FMO2: variants seen among roughly 807,000 people sequenced by gnomAD.
FMO2 encodes the protein flavin containing dimethylaniline monoxygenase 2, also known as flavin-containing monooxygenase 2.
Under a neutral mutation model 41.6 loss-of-function variants are expected in FMO2, and 33 were observed. The ratio of observed to expected loss-of-function variants is 0.79; its 90% CI spans 0.60 to 1.06. The LOEUF is 1.06. Ranked by LOEUF, FMO2 falls within the 50% of genes least tolerant of loss-of-function variation. The pLI, the probability that FMO2 is intolerant of heterozygous loss-of-function variation, is 0.00. For synonymous variants in FMO2, 214 were observed against 219.6 expected (o/e 0.97, Z 0.23); for missense variants, 619 against 632.9 (o/e 0.98, Z 0.23).
At chr1:171,185,663 C>G in intron 1 of FMO2, 45 bp from the exon 2 acceptor site, 2 of 1,602,920 alleles carry the variant, frequency 1.2e-6, no homozygotes, top group Non-Finnish European at 1.7e-6. Context: ...ATTCTCTTAC[C>G]GGTTGTCCCA....
chr1:171,205,655 G>A (rs375072535), intron 7 of FMO2, 21 bp downstream of exon 7: 1 of 1,460,562 alleles, frequency 6.8e-7, no homozygotes, highest in East Asian at 2.3e-5. Context: ...AGGCAGGTGA[G>A]TGGCTAAGCG....
At chr1:171,206,487 A>G (rs1274016371) in intron 7 of FMO2, among the ~76,000 whole-genome samples, 1 of 152,190 alleles carries the variant, frequency 6.6e-6, no homozygotes, top group Non-Finnish European at 1.5e-5. Context: ...CTTGGAGAAG[A>G]AGGAGACAGG....
At chr1:171,195,193 C>G (rs1352562863) in intron 3 of FMO2, among the ~76,000 whole-genome samples, 1 of 152,156 alleles carries the variant, frequency 6.6e-6, no homozygotes, top group Non-Finnish European at 1.5e-5. Context: ...GTTTATTGGT[C>G]TCTGAGTTGG....
chr1:171,185,590 T>A, intron 1 of FMO2, 118 bp from the exon 2 acceptor site: 1 of 966,620 alleles, frequency 1.0e-6, no homozygotes, highest in Non-Finnish European at 1.6e-6. Context: ...TATTCAATAG[T>A]GCTGCTTATT....
Position 171,201,041 on chromosome 1 carries a change from G to C in FMO2, c.627+1553G>C, listed in dbSNP as rs530955873. Reference sequence around the variant, plus strand: ...ATGGCAAGAACCAGTTCCTTGTATGGGTCTTGCCCTACAGGAAGACTTATG... The same window carrying C: ...ATGGCAAGAACCAGTTCCTTGTATGCGTCTTGCCCTACAGGAAGACTTATG... On this transcript the variant is annotated intron_variant, in intron 5 of 8. Transcript: ENST00000209929. Among the ~76,000 whole-genome samples the C allele has an allele frequency of 7.9e-5, 12 of 152,230 alleles. No homozygotes were observed. In the East Asian group the frequency reaches 2.3e-3, roughly 29 times the overall value.
intron 7 of FMO2, 114 bp downstream of exon 7, chr1:171,205,748 T>C: frequency 1.6e-6 from 1 of 636,726 alleles, no homozygotes; most frequent in Non-Finnish European, 2.6e-6. Flanking sequence ...TTGACAACCT[T>C]GGCTGCTCTC....
chr1:171,199,126 C>A, intron 4 of FMO2: 1 of 382,072 alleles, frequency 2.6e-6, no homozygotes, highest in South Asian at 7.3e-5. Context: ...TGGTCTCAAA[C>A]TCCTGGGCTC....
intron 7 of FMO2, 156 bp from the exon 8 acceptor site, chr1:171,207,562 G>T (rs1043178913): frequency 1.4e-5 from 9 of 627,060 alleles, no homozygotes; most frequent in Non-Finnish European, 2.3e-5. Flanking sequence ...CACATAGAGT[G>T]CTATGGGGGT....
At chr1:171,200,050 G>C (rs1479073323) in intron 5 of FMO2, among the ~76,000 whole-genome samples, 1 of 152,142 alleles carries the variant, frequency 6.6e-6, no homozygotes, top group Non-Finnish European at 1.5e-5. Context: ...TGTTTAATGA[G>C]AGGTTAATCT....
chr1:171,208,871 C>T lies in FMO2; in HGVS notation c.1334C>T (p.Ala445Val), dbSNP rs761180771. 9.9e-6 allele frequency: 16 copies of T among 1,613,768 alleles called. No homozygotes were observed. The highest frequency in any genetic ancestry group is 3.3e-5 in the Admixed American group (2 of 59,986). The stretch of plus-strand genomic sequence containing the variant: ...GACGAGCTCGCCTTAGAGATAGGTG[C>T]GAAGCCAGATTTCTGCTCTCTCTTG... ...YLDELALEIG[A>V]KPDFCSLLFK... The change falls in exon 9 of 9, where the codon GCG (alanine) becomes GTG (valine). Residue 445 changes from alanine (A) to valine (V), a missense_variant. By Grantham distance (64) the Ala-to-Val change is moderately conservative (BLOSUM62 0). Transcript: ENST00000209929.
At position 171,209,620 on chromosome 1, in the gene FMO2, G is replaced by A. The variant is rs1046282871; in HGVS notation, c.*475G>A. On this transcript the variant is annotated 3_prime_UTR_variant, in exon 9 of 9. Coordinates refer to ENST00000209929, the MANE Select transcript of FMO2 (RefSeq NM_001460.5). ...TAGGTCATGTTTCATTTGCTCAGTCGGGGATCACTCAAAACTACTAGACAA... is the reference window on the plus strand; with the variant it reads ...TAGGTCATGTTTCATTTGCTCAGTCAGGGATCACTCAAAACTACTAGACAA... 3 of 152,252 alleles carry A rather than the reference G, an allele frequency of 2.0e-5. No homozygotes were observed. Among genetic ancestry groups the A allele is most frequent in the African/African-American group, 4.8e-5 (2 of 41,420 alleles). The allele number at this position is 152,252 out of a possible 1,614,324, so 9.4% of individuals were successfully genotyped here.
chr1:171,203,892 T>G lies in FMO2; in HGVS notation c.655T>G (p.Trp219Gly), dbSNP rs749955244. 1 of 1,613,570 alleles carries G rather than the reference T, an allele frequency of 6.2e-7. No homozygotes were observed. The highest frequency in any genetic ancestry group is 8.5e-7 in the Non-Finnish European group (1 of 1,179,642). The part of the protein sequence containing the change: ...QVFISTRHGT[W>G]VMSRISEDGY... ...TTTTATCAGCACCAGGCATGGCACC[T>G]GGGTCATGAGCCGTATCTCTGAAGA... The change falls in exon 6 of 9, where the codon TGG becomes GGG. Residue 219 changes from tryptophan to glycine, a missense_variant. Physicochemically the swap from Trp to Gly is radical, Grantham distance 184. Coordinates refer to ENST00000209929, the MANE Select transcript of FMO2 (RefSeq NM_001460.5).
At chr1:171,204,141 T>G in intron 6 of FMO2, 77 bp downstream of exon 6, 1 of 1,014,362 alleles carries the variant, frequency 9.9e-7, no homozygotes. Context: ...TTAACAAAGA[T>G]TCAAATTGCT....
intron 5 of FMO2, among the ~76,000 whole-genome samples, chr1:171,200,738 TAAAC>T (rs1658504018): frequency 6.6e-6 from 1 of 152,140 alleles, no homozygotes. Flanking sequence ...TTTGTGAAAA[TAAAC>T]CTCTTGTCAC....
intron 2 of FMO2, among the ~76,000 whole-genome samples, chr1:171,187,008 T>C (rs1657880406): frequency 6.6e-6 from 1 of 152,212 alleles, no homozygotes; most frequent in African/African-American, 2.4e-5. Flanking sequence ...TCAATAAATG[T>C]TAGCTACTAA....
At chr1:171,200,590 A>G (rs903427080) in intron 5 of FMO2, among the ~76,000 whole-genome samples, 3 of 151,804 alleles carry the variant, frequency 2.0e-5, no homozygotes, top group African/African-American at 7.3e-5. Flanking sequence ...CAAACATGAC[A>G]CCCGCCCAGC....
chr1:171,195,910 G>A (rs1290546557), intron 3 of FMO2, among the ~76,000 whole-genome samples: 1 of 152,012 alleles, frequency 6.6e-6, no homozygotes, highest in Non-Finnish European at 1.5e-5. Flanking sequence ...TCATTCAGTG[G>A]AATGCTGACC....
chr1:171,189,823 G>A (rs1476207471), intron 2 of FMO2, among the ~76,000 whole-genome samples: 1 of 151,894 alleles, frequency 6.6e-6, no homozygotes, highest in Non-Finnish European at 1.5e-5. Flanking sequence ...TAATGCAACT[G>A]GTCCACTGAC....
rs1224741873 is a variant in FMO2, at chr1:171,209,551, AT to A, written c.*407del. 6.5e-6 allele frequency: 1 copy of A among 154,088 alleles called. No homozygotes were observed. Among genetic ancestry groups the A allele is most frequent in the Non-Finnish European group, 1.4e-5 (1 of 69,422 alleles). 9.5% of individuals were successfully genotyped at this position (154,088 alleles called of 1,614,324 possible). A position where few individuals can be genotyped will look rare whatever the true frequency, so the allele number is the denominator to read the frequency against. On this transcript the variant is annotated 3_prime_UTR_variant, in exon 9 of 9. Coordinates refer to ENST00000209929, the MANE Select transcript of FMO2 (RefSeq NM_001460.5). ...TTAAAACTCCTGAACAATGTTTCTG[AT>A]GGTCTTCTATCCACCCTACTTGGTA... is the stretch of plus-strand genomic sequence containing the variant.
Sources: gnomAD v4.1 joint callset for allele counts (sites outside exome capture counted in the v4.1 genomes callset) on GRCh38, gnomAD v4.1.1 for gene constraint, MANE v1.5 for transcripts, NCBI Gene and HGNC (gene_info 2026-07-23, HGNC 2026-07-21) for gene names.